The following FSTL4 variants were observed in gnomAD, a reference collection of about 807,000 sequenced individuals.
FSTL4 encodes the protein follistatin like 4.
Under a neutral mutation model 78.2 loss-of-function variants are expected in FSTL4, and 28 were observed. That is an observed-to-expected ratio of 0.36 (90% CI 0.27 to 0.49). The LOEUF (loss-of-function observed/expected upper bound fraction) is 0.49, where lower values mean the gene tolerates loss of function less well. Ranked by LOEUF, FSTL4 falls within the 20% of genes least tolerant of loss-of-function variation. The pLI, the probability that FSTL4 is intolerant of heterozygous loss-of-function variation, is 0.98. For synonymous variants in FSTL4, 422 were observed against 440.5 expected (o/e 0.96, Z 0.53); for missense variants, 922 against 1,084.9 (o/e 0.85, Z 2.11).
At chr5:133,664,416 G>A in the FSTL4 span, among the ~76,000 whole-genome samples, 1 of 152,104 alleles carries the variant, frequency 6.6e-6, no homozygotes, top group Admixed American at 6.5e-5. Flanking sequence ...AGATCTATAG[G>A]CCTCTTGATG....
chr5:133,507,664 AG>A (rs1336427005), intron 3 of FSTL4, among the ~76,000 whole-genome samples: 1 of 151,650 alleles, frequency 6.6e-6, no homozygotes, highest in Non-Finnish European at 1.5e-5. Flanking sequence ...CTGGGATTAC[AG>A]GCGCCCGACA....
chr5:133,202,835 C>T (rs1750373378), intron 14 of FSTL4: 1 of 152,320 alleles, frequency 6.6e-6, no homozygotes, highest in Admixed American at 6.5e-5. Flanking sequence ...ACGCTTTCTC[C>T]CCTGTGGACT....
At chr5:133,557,922 GA>G (rs1160494003) in intron 3 of FSTL4, among the ~76,000 whole-genome samples, 2 of 152,204 alleles carry the variant, frequency 1.3e-5, no homozygotes, top group East Asian at 3.8e-4. Context: ...ACCCTCTGCT[GA>G]GACAGCCATG....
chr5:133,297,819 G>C (rs926131804), intron 6 of FSTL4, among the ~76,000 whole-genome samples: 2 of 152,210 alleles, frequency 1.3e-5, no homozygotes, highest in Non-Finnish European at 1.5e-5. Flanking sequence ...ACAGATTCTA[G>C]AAGCCAGGGT....
At chr5:133,640,024 A>C in the FSTL4 span, among the ~76,000 whole-genome samples, 2 of 152,220 alleles carry the variant, frequency 1.3e-5, no homozygotes, top group Admixed American at 6.5e-5. Context: ...CACACCCACC[A>C]CAGTTATGTT....
At chr5:133,435,923 C>T (rs937064008) in intron 3 of FSTL4, among the ~76,000 whole-genome samples, 4 of 152,290 alleles carry the variant, frequency 2.6e-5, no homozygotes, top group South Asian at 2.1e-4. Context: ...AACAGAACTT[C>T]GCCCACTCTT....
At chr5:133,395,376 T>C (rs1298936575) in intron 4 of FSTL4, among the ~76,000 whole-genome samples, 1 of 152,114 alleles carries the variant, frequency 6.6e-6, no homozygotes, top group Non-Finnish European at 1.5e-5. Context: ...GGTCCGCAGC[T>C]TCACTCCTGA....
the FSTL4 span, among the ~76,000 whole-genome samples, chr5:133,644,602 T>C: frequency 6.6e-6 from 1 of 152,148 alleles, no homozygotes. Context: ...GGAGAAGACA[T>C]GGAAGGAAAG....
At position 133,217,304 on chromosome 5, in the gene FSTL4, G is replaced by A; in HGVS notation, c.1533C>T (p.Asn511=). 6.2e-7 allele frequency: 1 copy of A among 1,613,966 alleles called. No individual in the cohort carries two copies. The highest frequency in any genetic ancestry group is 8.5e-7 in the Non-Finnish European group (1 of 1,179,868). ...CTGGCTGGGCCACATAGATGTACCG[G>A]TTCCGGACATTGACTGCAGATACCC... The part of the protein sequence containing the change: ...CQWVSAVNVR[N]RYIYVAQPAL... The change falls in exon 13 of 16, where the codon AAC becomes AAT. Residue 511 remains asparagine (N), a synonymous_variant. Transcript: ENST00000265342.
the FSTL4 span, among the ~76,000 whole-genome samples, chr5:133,742,758 A>G: frequency 6.6e-6 from 1 of 152,152 alleles, no homozygotes; most frequent in Non-Finnish European, 1.5e-5. Flanking sequence ...TAGTGCTTTC[A>G]TCTGATCCTA....
intron 6 of FSTL4, chr5:133,266,567 A>AT (rs1752646439): frequency 6.6e-6 from 1 of 152,296 alleles, no homozygotes; most frequent in African/African-American, 2.4e-5. Context: ...AAATCGCTGC[A>AT]TATCAGCAGA....
intron 3 of FSTL4, among the ~76,000 whole-genome samples, chr5:133,528,888 C>T (rs1331461427): frequency 6.6e-6 from 1 of 152,212 alleles, no homozygotes; most frequent in Non-Finnish European, 1.5e-5. Flanking sequence ...TTCGCTATCT[C>T]CAGCCTCTCT....
At chr5:133,682,457 A>G in the FSTL4 span, among the ~76,000 whole-genome samples, 1 of 152,240 alleles carries the variant, frequency 6.6e-6, no homozygotes, top group East Asian at 1.9e-4. Context: ...GTGGGTATGG[A>G]AAGGACTTAC....
chr5:133,592,190 C>T (rs1018146111), intron 2 of FSTL4, among the ~76,000 whole-genome samples: 3 of 152,196 alleles, frequency 2.0e-5, no homozygotes, highest in Admixed American at 1.3e-4. Context: ...CATTTCTGTG[C>T]TAAATTCTCA....
At chr5:133,716,035 C>G in the FSTL4 span, among the ~76,000 whole-genome samples, 2 of 152,220 alleles carry the variant, frequency 1.3e-5, no homozygotes, top group Admixed American at 6.5e-5. Context: ...ATGTGCAGCA[C>G]TGCTAGAAAT....
intron 4 of FSTL4, among the ~76,000 whole-genome samples, chr5:133,319,103 C>T (rs886075508): frequency 5.3e-5 from 8 of 152,344 alleles, no homozygotes; most frequent in African/African-American, 1.7e-4. Context: ...TGGGGTGCTG[C>T]AGCATCCTCC....
At chr5:133,767,933 C>T in the FSTL4 span, among the ~76,000 whole-genome samples, 169 of 152,190 alleles carry the variant, frequency 1.1e-3, 1 homozygote, top group African/African-American at 3.6e-3. Context: ...CTGAAAACTC[C>T]GGTGGAAAAA....
At chr5:133,335,136 G>A (rs777975401) in intron 4 of FSTL4, among the ~76,000 whole-genome samples, 3 of 152,228 alleles carry the variant, frequency 2.0e-5, no homozygotes, top group Admixed American at 6.5e-5. Flanking sequence ...GTGGCTGGCC[G>A]TGGCTCCTGG....
the FSTL4 span, among the ~76,000 whole-genome samples, chr5:133,832,764 C>CT: frequency 6.6e-6 from 1 of 152,160 alleles, no homozygotes; most frequent in Admixed American, 6.5e-5. Flanking sequence ...AGGCAGATAA[C>CT]TTTTTTTATA....
Sources: gnomAD v4.1 joint callset for allele counts (sites outside exome capture counted in the v4.1 genomes callset) on GRCh38, gnomAD v4.1.1 for gene constraint, MANE v1.5 for transcripts, NCBI Gene and HGNC (gene_info 2026-07-23, HGNC 2026-07-21) for gene names.